NAALADL2: variants seen among roughly 807,000 people sequenced by gnomAD.
NAALADL2 encodes the protein inactive N-acetylated-alpha-linked acidic dipeptidase-like protein 2.
In NAALADL2, 76 loss-of-function variants were observed where a neutral mutation model predicts 87.2. That is an observed-to-expected ratio of 0.87 (90% CI 0.72 to 1.05). The LOEUF (loss-of-function observed/expected upper bound fraction) is 1.05. Among genes scored for constraint, NAALADL2 ranks in the 50% least tolerant of loss-of-function variants. NAALADL2 has a pLI of 0.00. For synonymous variants in NAALADL2, 354 were observed against 331.0 expected (o/e 1.07, Z -0.75); for missense variants, 1,089 against 945.8 (o/e 1.15, Z -1.99).
At chr3:175,212,015 A>G (rs1301877465) in intron 2 of NAALADL2, among the ~76,000 whole-genome samples, 2 of 152,090 alleles carry the variant, frequency 1.3e-5, no homozygotes, top group Admixed American at 6.6e-5. Flanking sequence ...GATAGTTGAC[A>G]TCATTCAGAC....
intron 9 of NAALADL2, among the ~76,000 whole-genome samples, chr3:175,526,512 AATT>A (rs1157960070): frequency 6.6e-5 from 10 of 152,152 alleles, no homozygotes; most frequent in Non-Finnish European, 1.2e-4. Context: ...ACTGTTGGTT[AATT>A]ATTTTTTCTT....
chr3:175,663,953 C>G (rs1259302201), intron 11 of NAALADL2, among the ~76,000 whole-genome samples: 1 of 151,776 alleles, frequency 6.6e-6, no homozygotes, highest in East Asian at 1.9e-4. Context: ...GTGATTAATC[C>G]TTTTGAGACA....
chr3:174,858,323 A>G (rs1726087155), upstream of NAALADL2, among the ~76,000 whole-genome samples: 2 of 151,830 alleles, frequency 1.3e-5, 1 homozygote, highest in Admixed American at 1.3e-4. Context: ...CTTATGGGGG[A>G]CAAAGCTTAA....
At chr3:175,290,262 T>G (rs2110137330) in intron 4 of NAALADL2, among the ~76,000 whole-genome samples, 1 of 152,332 alleles carries the variant, frequency 6.6e-6, no homozygotes, top group South Asian at 2.1e-4. Flanking sequence ...GGAGACAATC[T>G]AAATATCCAT....
chr3:175,257,172 G>C (rs978184795), intron 4 of NAALADL2: 1 of 141,940 alleles, frequency 7.0e-6, no homozygotes, highest in Non-Finnish European at 1.5e-5. Context: ...GCTCATTCTT[G>C]CTTCATTTCC....
chr3:174,859,341 C>A lies in NAALADL2; in HGVS notation c.-67C>A. 1.6e-6 allele frequency: 2 copies of A among 1,215,448 alleles called. No individual in the cohort carries two copies. Among genetic ancestry groups the A allele is most frequent in the South Asian group, 1.3e-5 (1 of 77,946 alleles). The allele number at this position is 1,215,448 out of a possible 1,614,324, so 75.3% of individuals were successfully genotyped here. A position where few individuals can be genotyped will look rare whatever the true frequency, so the allele number is the denominator to read the frequency against. On this transcript the variant is annotated 5_prime_UTR_variant, in exon 1 of 14. Coordinates refer to ENST00000454872, the MANE Select transcript of NAALADL2 (RefSeq NM_207015.3). ...ATACTACAGTAGAAAGTCAGAAGGT[C>A]ACAAAGCTTGCAGGGTAAGTGACAC...
chr3:175,742,771 T>G (rs566906989), intron 12 of NAALADL2, among the ~76,000 whole-genome samples: 115 of 152,118 alleles, frequency 7.6e-4, no homozygotes, highest in Non-Finnish European at 1.4e-3. Context: ...AATGTATGTA[T>G]TTTTATGCTA....
At chr3:174,763,717 T>C (rs1713397096) in intron 3 of NAALADL2, among the ~76,000 whole-genome samples, 1 of 145,672 alleles carries the variant, frequency 6.9e-6, no homozygotes. Context: ...AAAATAACCA[T>C]AAAAATGGTC....
chr3:175,634,473 A>C (rs1431999568), intron 11 of NAALADL2, among the ~76,000 whole-genome samples: 3 of 151,976 alleles, frequency 2.0e-5, no homozygotes, highest in Non-Finnish European at 4.4e-5. Context: ...AATTATCTTG[A>C]GATGCCATTC....
At chr3:174,544,439 G>T (rs1365718550) in intron 1 of NAALADL2, among the ~76,000 whole-genome samples, 2 of 151,582 alleles carry the variant, frequency 1.3e-5, no homozygotes, top group African/African-American at 2.4e-5. Flanking sequence ...AAAAGTCCTA[G>T]AATTCTTTCC....
chr3:175,362,625 T>A (rs1765157370), intron 5 of NAALADL2, among the ~76,000 whole-genome samples: 1 of 148,310 alleles, frequency 6.7e-6, no homozygotes, highest in Non-Finnish European at 1.5e-5. Context: ...CAATTGCAAA[T>A]TTTACTGCTA....
chr3:175,286,662 A>AT (rs1334021494), intron 4 of NAALADL2, among the ~76,000 whole-genome samples: 1 of 152,072 alleles, frequency 6.6e-6, no homozygotes, highest in Non-Finnish European at 1.5e-5. Context: ...CATACCTTTT[A>AT]TTTTTATGGC....
chr3:175,366,637 G>A (rs1457181718), intron 5 of NAALADL2, among the ~76,000 whole-genome samples: 1 of 151,426 alleles, frequency 6.6e-6, no homozygotes, highest in Admixed American at 6.6e-5. Context: ...TCATGTGTCT[G>A]TTGGCTGCAT....
At chr3:175,721,762 A>G (rs1742266126) in intron 11 of NAALADL2, among the ~76,000 whole-genome samples, 1 of 152,038 alleles carries the variant, frequency 6.6e-6, no homozygotes, top group Non-Finnish European at 1.5e-5. Context: ...ATAATATAAG[A>G]GCTGGGATGG....
chr3:175,300,767 ATTTATTTATTTATTTATTTAT>A (rs1756969632), intron 4 of NAALADL2, among the ~76,000 whole-genome samples: 1 of 141,776 alleles, frequency 7.1e-6, no homozygotes, highest in Non-Finnish European at 1.5e-5. Flanking sequence ...TTATTTATTT[ATTTATTTATTTATTTATTTAT>A]TTTATTTTAT....
intron 13 of NAALADL2, among the ~76,000 whole-genome samples, chr3:175,802,565 T>C (rs1490379563): frequency 6.8e-6 from 1 of 147,204 alleles, no homozygotes; most frequent in East Asian, 1.9e-4. Context: ...TATATTGTAT[T>C]GCAATTGATT....
chr3:174,545,695 T>G (rs779229100), intron 1 of NAALADL2, among the ~76,000 whole-genome samples: 13 of 151,978 alleles, frequency 8.6e-5, no homozygotes, highest in Non-Finnish European at 1.6e-4. Context: ...TGATATTCTT[T>G]CCTGTGATTT....
intron 2 of NAALADL2, among the ~76,000 whole-genome samples, chr3:175,182,550 GTTTTTTTTTTTTTTT>G (rs1161831796): frequency 2.6e-4 from 18 of 69,474 alleles, no homozygotes; most frequent in Admixed American, 2.5e-3. Context: ...ACCACAGCCA[GTTTTTTTTTTTTTTT>G]TTTTTTTTTT....
At chr3:175,783,646 A>C (rs1439361459) in intron 13 of NAALADL2, among the ~76,000 whole-genome samples, 1 of 152,038 alleles carries the variant, frequency 6.6e-6, no homozygotes, top group African/African-American at 2.4e-5. Context: ...TGTTGTCTGC[A>C]AACAGGGACA....
Sources: gnomAD v4.1 joint callset for allele counts (sites outside exome capture counted in the v4.1 genomes callset) on GRCh38, gnomAD v4.1.1 for gene constraint, MANE v1.5 for transcripts, NCBI Gene and HGNC (gene_info 2026-07-23, HGNC 2026-07-21) for gene names.